The following SYT12 variants were observed in gnomAD, a reference collection of about 807,000 sequenced individuals.
SYT12 encodes synaptotagmin-12.
In SYT12, 27 loss-of-function variants were observed where a neutral mutation model predicts 39.5. That is an observed-to-expected ratio of 0.68 (90% CI 0.50 to 0.94). SYT12 has a LOEUF of 0.94. Ranked by LOEUF, SYT12 falls within the 40% of genes least tolerant of loss-of-function variation. SYT12 has a pLI of 0.00. For missense variants in SYT12, 536 were observed against 572.6 expected (o/e 0.94, Z 0.65); for synonymous variants, 233 against 239.7 (o/e 0.97, Z 0.26).
intron 3 of SYT12, among the ~76,000 whole-genome samples, chr11:67,036,233 C>G (rs1042108604): frequency 6.6e-6 from 1 of 152,100 alleles, no homozygotes; most frequent in Non-Finnish European, 1.5e-5. Context: ...TTTTCACCTC[C>G]CTTGTAGCTG....
chr11:67,008,197 G>A (rs528023416), intron 1 of SYT12, among the ~76,000 whole-genome samples: 5 of 151,988 alleles, frequency 3.3e-5, no homozygotes, highest in Admixed American at 6.6e-5. Context: ...CACGTGATCC[G>A]CCTGCCTCAG....
intron 3 of SYT12, among the ~76,000 whole-genome samples, chr11:67,011,172 A>C (rs1276739810): frequency 6.6e-6 from 1 of 152,194 alleles, no homozygotes; most frequent in Non-Finnish European, 1.5e-5. Context: ...AGCCTGGGCA[A>C]CATAATGAGA....
At chr11:67,038,966 G>A (rs952705520) in intron 3 of SYT12, among the ~76,000 whole-genome samples, 6 of 149,970 alleles carry the variant, frequency 4.0e-5, no homozygotes, top group Non-Finnish European at 8.9e-5. Context: ...CAGGCTGGGC[G>A]ATGCAGCGAG....
chr11:67,013,988 C>T (rs750617159), intron 3 of SYT12, among the ~76,000 whole-genome samples: 22 of 152,162 alleles, frequency 1.4e-4, no homozygotes, highest in Non-Finnish European at 2.5e-4. Context: ...CTGAGGGTTT[C>T]ATAACTCCAG....
upstream of SYT12, among the ~76,000 whole-genome samples, chr11:67,021,469 G>A (rs917757944): frequency 5.3e-5 from 8 of 151,632 alleles, no homozygotes; most frequent in Non-Finnish European, 7.4e-5. Flanking sequence ...TAGTGGAGAC[G>A]GGGTTTCACC....
chr11:67,007,858 C>A (rs1949983487), intron 1 of SYT12, among the ~76,000 whole-genome samples: 1 of 151,980 alleles, frequency 6.6e-6, no homozygotes. Flanking sequence ...GCCACTGCAC[C>A]CGGGCCTATT....
chr11:67,048,418 T>C (rs1347815509), intron 7 of SYT12, among the ~76,000 whole-genome samples, 166 bp from the exon 8 acceptor site: 5 of 152,144 alleles, frequency 3.3e-5, no homozygotes, highest in Non-Finnish European at 7.4e-5. Flanking sequence ...ATTTATTTGC[T>C]GAGTGACCTG....
At chr11:67,012,366 A>G (rs1565325985) in intron 3 of SYT12, among the ~76,000 whole-genome samples, 1 of 151,958 alleles carries the variant, frequency 6.6e-6, no homozygotes, top group Admixed American at 6.6e-5. Context: ...GCGAGGCTCC[A>G]TCTCAAAAAA....
At chr11:67,030,354 T>G (rs1313100646) in intron 2 of SYT12, 176 bp downstream of exon 2, 2 of 627,432 alleles carry the variant, frequency 3.2e-6, no homozygotes, top group South Asian at 4.3e-5. Flanking sequence ...ACATCAAGCT[T>G]GGCCCAGTCT....
upstream of SYT12, among the ~76,000 whole-genome samples, chr11:67,019,678 A>G (rs1238478318): frequency 6.6e-6 from 1 of 152,028 alleles, no homozygotes. Flanking sequence ...GGGGGGAATC[A>G]CTTGAGCCCA....
chr11:67,039,444 A>G (rs1395338883), intron 3 of SYT12, among the ~76,000 whole-genome samples: 1 of 151,696 alleles, frequency 6.6e-6, no homozygotes. Flanking sequence ...GAGAAACCCC[A>G]TCTCTACTAA....
chr11:67,044,742 C>T (rs1179613723), intron 6 of SYT12, 29 bp downstream of exon 6: 3 of 1,611,824 alleles, frequency 1.9e-6, no homozygotes, highest in Non-Finnish European at 2.5e-6. Context: ...CCCGGCTCCT[C>T]CACGTAGCTC....
At chr11:67,016,483 G>T (rs1398145953) in intron 3 of SYT12, among the ~76,000 whole-genome samples, 1 of 152,068 alleles carries the variant, frequency 6.6e-6, no homozygotes, top group Non-Finnish European at 1.5e-5. Context: ...TTCTAGAGAG[G>T]CTTCAGAAAG....
intron 6 of SYT12, 82 bp downstream of exon 6, chr11:67,044,795 G>A: frequency 1.9e-6 from 3 of 1,577,820 alleles, no homozygotes; most frequent in Non-Finnish European, 2.6e-6. Flanking sequence ...GGCACCCGGA[G>A]GCATCGGCAG....
intron 3 of SYT12, among the ~76,000 whole-genome samples, chr11:67,011,384 A>G (rs1187372085): frequency 6.6e-6 from 1 of 151,640 alleles, no homozygotes. Flanking sequence ...CTGGGATTAC[A>G]GGCGCGTGCC....
intron 4 of SYT12, 53 bp downstream of exon 4, chr11:67,040,256 T>A (rs1040218167): frequency 3.3e-6 from 5 of 1,522,984 alleles, no homozygotes; most frequent in Non-Finnish European, 4.4e-6. Flanking sequence ...ACTAGATGCC[T>A]CCCAGGCAGG....
intron 1 of SYT12, chr11:67,026,834 C>T (rs1286589147): frequency 6.6e-6 from 1 of 152,158 alleles, no homozygotes; most frequent in Non-Finnish European, 1.5e-5. Flanking sequence ...GACAAATAAA[C>T]ACATCTGTAG....
In SYT12 at chr11:67,034,828, C is replaced by G. The variant is rs781449941; in HGVS notation, c.218C>G (p.Ala73Gly). 3 of 1,550,584 alleles carry G rather than the reference C, an allele frequency of 1.9e-6. No homozygotes were observed. In the Admixed American group the frequency reaches 6.6e-5, roughly 34 times the overall value. ...QQKYGESCAE[A>G]REKRVPAWNA... ...AAGTACGGCGAGAGCTGCGCAGAGGCCAGGGAGAAGGTGAGGCTTCTGCTC... is the reference window on the plus strand; with the variant it reads ...AAGTACGGCGAGAGCTGCGCAGAGGGCAGGGAGAAGGTGAGGCTTCTGCTC... Residue 73 changes from alanine (A) to glycine (G), a missense_variant, in exon 3 of 8, where the codon GCC becomes GGC. Ala to Gly is a moderately conservative substitution (Grantham distance 60). Coordinates refer to ENST00000527043, the MANE Select transcript of SYT12 (RefSeq NM_177963.4).
At chr11:67,018,545 G>A (rs1440567877), upstream of SYT12, among the ~76,000 whole-genome samples, 2 of 151,686 alleles carry the variant, frequency 1.3e-5, no homozygotes, top group Admixed American at 6.6e-5. Flanking sequence ...AAAAGAGGCC[G>A]GGCGCGGTGG....
Sources: allele counts gnomAD v4.1 joint callset (sites outside exome capture counted in the v4.1 genomes callset), GRCh38; gene constraint gnomAD v4.1.1; transcripts MANE v1.5; gene names NCBI Gene and HGNC (gene_info 2026-07-23, HGNC 2026-07-21).